LRRC4C: variants seen among roughly 807,000 people sequenced by gnomAD.
The protein encoded by LRRC4C is leucine-rich repeat-containing protein 4C.
Under a neutral mutation model 33.6 loss-of-function variants are expected in LRRC4C, and 5 were observed. That is an observed-to-expected ratio of 0.15 (90% confidence interval 0.08 to 0.31). The LOEUF is 0.31. LRRC4C is among the 10% of genes least tolerant of loss of function. The pLI is 1.00. For synonymous variants in LRRC4C, 329 were observed against 302.0 expected (o/e 1.09, Z -0.93); for missense variants, 560 against 796.7 (o/e 0.70, Z 3.58).
At chr11:41,231,773 G>C (rs952439878) in intron 1 of LRRC4C, among the ~76,000 whole-genome samples, 1 of 148,150 alleles carries the variant, frequency 6.7e-6, no homozygotes, top group Non-Finnish European at 1.5e-5. Flanking sequence ...ATATATATAT[G>C]TGTGTGTGTG....
At chr11:40,523,424 A>C (rs2135246534) in intron 3 of LRRC4C, among the ~76,000 whole-genome samples, 1 of 151,548 alleles carries the variant, frequency 6.6e-6, no homozygotes, top group African/African-American at 2.4e-5. Flanking sequence ...ATTGAATATC[A>C]ATCTCTTATA....
intron 5 of LRRC4C, among the ~76,000 whole-genome samples, chr11:40,176,743 A>G (rs1416433471): frequency 6.6e-6 from 1 of 151,764 alleles, no homozygotes; most frequent in South Asian, 2.1e-4. Flanking sequence ...ATTTTGTTAT[A>G]TTGCCCAGGC....
intron 1 of LRRC4C, among the ~76,000 whole-genome samples, chr11:41,185,695 T>A (rs1945663669): frequency 6.6e-6 from 1 of 152,152 alleles, no homozygotes; most frequent in African/African-American, 2.4e-5. Context: ...GTATTTGCTA[T>A]CCTTATATCC....
intron 1 of LRRC4C, among the ~76,000 whole-genome samples, chr11:41,066,028 C>T (rs1056230362): frequency 6.6e-6 from 1 of 152,186 alleles, no homozygotes; most frequent in African/African-American, 2.4e-5. Context: ...GATCACAACA[C>T]TTCTCCAGCA....
At chr11:41,057,862 T>A (rs1054018507) in intron 1 of LRRC4C, among the ~76,000 whole-genome samples, 3 of 152,094 alleles carry the variant, frequency 2.0e-5, no homozygotes, top group African/African-American at 7.2e-5. Context: ...TCAGGATGAA[T>A]TGTGTAGCCG....
chr11:40,740,971 A>G (rs960949866), intron 2 of LRRC4C, among the ~76,000 whole-genome samples: 3 of 151,946 alleles, frequency 2.0e-5, no homozygotes, highest in Non-Finnish European at 4.4e-5. Context: ...ATTTTGTTCA[A>G]CTGGTCTTTA....
chr11:40,559,179 G>A (rs543660183), intron 3 of LRRC4C, among the ~76,000 whole-genome samples: 2 of 134,916 alleles, frequency 1.5e-5, no homozygotes, highest in East Asian at 2.5e-4. Context: ...GCTTGCATGC[G>A]TCTTTTTTTT....
In LRRC4C at chr11:41,125,932, G is replaced by T. The variant is rs58185160; in HGVS notation, c.-495-192209C>A. On this transcript the variant is annotated intron_variant, in intron 1 of 6. Coordinates refer to ENST00000528697, the MANE Select transcript of LRRC4C (RefSeq NM_001258419.2). ...AGATTTCAAATAACATTGAAAATGT[G>T]ATTTGCCTTTTGTGAGCTATGTAAT... Among the ~76,000 whole-genome samples, 405 of 152,234 alleles carry T rather than the reference G, an allele frequency of 2.7e-3. 2 individuals are homozygous for T. The highest frequency in any genetic ancestry group is 9.5e-3 in the African/African-American group (396 of 41,548).
At chr11:40,355,413 G>T (rs1314680483) in intron 3 of LRRC4C, among the ~76,000 whole-genome samples, 1 of 152,118 alleles carries the variant, frequency 6.6e-6, no homozygotes, top group African/African-American at 2.4e-5. Flanking sequence ...TATAACCCTT[G>T]TAGCCTAAAC....
At chr11:41,026,083 T>C (rs1320912639) in intron 1 of LRRC4C, among the ~76,000 whole-genome samples, 1 of 151,774 alleles carries the variant, frequency 6.6e-6, no homozygotes, top group Non-Finnish European at 1.5e-5. Flanking sequence ...AAAGAATAAT[T>C]TTTATTTTCA....
intron 1 of LRRC4C, among the ~76,000 whole-genome samples, chr11:41,113,175 AT>A (rs939738424): frequency 2.6e-5 from 4 of 151,574 alleles, no homozygotes; most frequent in Non-Finnish European, 5.9e-5. Flanking sequence ...ATAAGTCAGT[AT>A]TTTTTTTTCT....
At chr11:40,944,481 A>G (rs1406167598) in intron 1 of LRRC4C, among the ~76,000 whole-genome samples, 1 of 152,222 alleles carries the variant, frequency 6.6e-6, no homozygotes, top group Non-Finnish European at 1.5e-5. Context: ...TCATTGAAAG[A>G]GTAACAGACT....
chr11:40,853,768 A>G (rs1325250339), intron 2 of LRRC4C, among the ~76,000 whole-genome samples: 2 of 152,182 alleles, frequency 1.3e-5, no homozygotes, highest in Non-Finnish European at 2.9e-5. Flanking sequence ...GGAGGGAAGG[A>G]AATGTTACTT....
chr11:41,419,656 A>G (rs1954807833), intron 1 of LRRC4C, among the ~76,000 whole-genome samples: 1 of 151,962 alleles, frequency 6.6e-6, no homozygotes, highest in African/African-American at 2.4e-5. Flanking sequence ...ACTCTGCCCT[A>G]ATTATTCTTC....
chr11:40,183,652 G>A (rs577255528), intron 5 of LRRC4C, among the ~76,000 whole-genome samples: 58 of 152,204 alleles, frequency 3.8e-4, no homozygotes, highest in South Asian at 8.3e-4. Flanking sequence ...GAAACTCTGT[G>A]CAGCTTTTTT....
chr11:40,605,976 T>G (rs1411970656), intron 3 of LRRC4C, among the ~76,000 whole-genome samples: 1 of 152,152 alleles, frequency 6.6e-6, no homozygotes, highest in African/African-American at 2.4e-5. Context: ...TCTAGATGGC[T>G]GGGGGCTGCT....
chr11:40,829,680 C>A (rs1215893788), intron 2 of LRRC4C, among the ~76,000 whole-genome samples: 1 of 151,936 alleles, frequency 6.6e-6, no homozygotes, highest in East Asian at 1.9e-4. Context: ...GTAAAAAATT[C>A]TATTCTGCTA....
rs1491109609 is a variant in LRRC4C at position 40,627,254 on chromosome 11, A to AGAGAGAGAGAGAGAGAGAGC, written c.-270+20887_-270+20888insGCTCTCTCTCTCTCTCTCTC. Among the ~76,000 whole-genome samples, 64 of 103,498 alleles carry AGAGAGAGAGAGAGAGAGAGC rather than the reference A, an allele frequency of 6.2e-4. No homozygotes were observed. The Middle Eastern group carries it at 0.016, about 26-fold the overall frequency. The allele number at this position is 103,498 out of a possible 152,430, so 67.9% of individuals were successfully genotyped here. On this transcript the variant is annotated intron_variant, in intron 3 of 6. Coordinates refer to ENST00000528697, the MANE Select transcript of LRRC4C (RefSeq NM_001258419.2). ...TCAAAAGCAAGCTGTGTTTCCCATT[A>AGAGAGAGAGAGAGAGAGAGC]GAGAGAGAGAGAGAGAGAGAGCGAG...
chr11:40,382,684 A>ATTTTTTTTTTTTTTTTT (rs35200000), intron 3 of LRRC4C, among the ~76,000 whole-genome samples: 1 of 65,546 alleles, frequency 1.5e-5, no homozygotes, highest in East Asian at 5.3e-4. Context: ...ACTTGTACTC[A>ATTTTTTTTTTTTTTTTT]TTTTTTTTTT....
Sources: gnomAD v4.1 joint callset for allele counts (sites outside exome capture counted in the v4.1 genomes callset) on GRCh38, gnomAD v4.1.1 for gene constraint, MANE v1.5 for transcripts, NCBI Gene and HGNC (gene_info 2026-07-23, HGNC 2026-07-21) for gene names.